The following NAV3 variants were observed in gnomAD, a reference collection of about 807,000 sequenced individuals.
The protein encoded by NAV3 is pore membrane and/or filament interacting like protein 1.
A neutral mutation model predicts 244.7 loss-of-function variants in NAV3; 87 were observed. The observed-to-expected ratio is 0.36, with a 90% confidence interval of 0.30 to 0.42. The LOEUF is 0.42. Ranked by LOEUF, NAV3 falls within the 20% of genes least tolerant of loss-of-function variation. The pLI is 1.00. For synonymous variants in NAV3, 1,126 were observed against 1,042.2 expected (o/e 1.08, Z -1.55); for missense variants, 2,663 against 2,893.3 (o/e 0.92, Z 1.83).
chr12:78,150,867 G>T (rs1957056194), intron 22 of NAV3, among the ~76,000 whole-genome samples: 1 of 151,864 alleles, frequency 6.6e-6, no homozygotes, highest in South Asian at 2.1e-4. Flanking sequence ...ATTCTCAGCT[G>T]GGTGTTAATA....
intron 34 of NAV3, 38 bp from the exon 35 acceptor site, chr12:78,197,209 T>G (rs764597975): frequency 6.9e-7 from 1 of 1,456,304 alleles, no homozygotes; most frequent in South Asian, 1.6e-5. Context: ...TAGTATAAAT[T>G]TATCACTGAC....
At chr12:78,110,139 A>G (rs1409545636) in intron 12 of NAV3, among the ~76,000 whole-genome samples, 3 of 152,056 alleles carry the variant, frequency 2.0e-5, no homozygotes, top group Non-Finnish European at 2.9e-5. Flanking sequence ...TAGCATTTCT[A>G]TGCCCCAATA....
chr12:78,093,134 A>G (rs759381903), intron 12 of NAV3, among the ~76,000 whole-genome samples: 15 of 152,222 alleles, frequency 9.9e-5, no homozygotes, highest in Non-Finnish European at 1.9e-4. Context: ...TTAACAATAT[A>G]CAATGAATAT....
At chr12:77,833,643 A>G (rs1033424270) in intron 1 of NAV3, among the ~76,000 whole-genome samples, 10 of 152,324 alleles carry the variant, frequency 6.6e-5, no homozygotes, top group African/African-American at 2.4e-4. Context: ...TAATCAGCTC[A>G]GTTAGACCCT....
At chr12:77,744,180 T>A (rs1273874530) in intron 2 of NAV3, among the ~76,000 whole-genome samples, 1 of 151,986 alleles carries the variant, frequency 6.6e-6, no homozygotes, top group Non-Finnish European at 1.5e-5. Flanking sequence ...ACTATAAAGC[T>A]ACAGTTATTA....
At position 77,982,221 on chromosome 12, in the gene NAV3, G is replaced by GGCTTAATAGACATGTTAATT. The variant is rs1371254818; in HGVS notation, c.672-12582_672-12581insGCTTAATAGACATGTTAATT. 7.3e-4 allele frequency among the ~76,000 whole-genome samples: 95 copies of GGCTTAATAGACATGTTAATT among 129,384 alleles called. 6 individuals are homozygous for GGCTTAATAGACATGTTAATT. The highest frequency in any genetic ancestry group is 1.4e-3 in the East Asian group (6 of 4,244). 84.9% of individuals were successfully genotyped at this position (129,384 alleles called of 152,430 possible). ...GTCAATGCATAACATATGGCTTAAT[G>GGCTTAATAGACATGTTAATT]AAAGATGATTTGTTGCTATTGATCC... On this transcript the variant is annotated intron_variant, in intron 5 of 39. Transcript: ENST00000397909.
intron 3 of NAV3, among the ~76,000 whole-genome samples, chr12:77,946,387 T>G (rs1180952006): frequency 6.6e-6 from 1 of 151,972 alleles, no homozygotes; most frequent in Admixed American, 6.6e-5. Flanking sequence ...GAGCACATAT[T>G]TAAGAAAAAT....
intron 8 of NAV3, among the ~76,000 whole-genome samples, chr12:78,009,154 T>G (rs535902883): frequency 6.6e-6 from 1 of 152,052 alleles, no homozygotes; most frequent in Non-Finnish European, 1.5e-5. Flanking sequence ...CATTTGAAAA[T>G]GTAACTTTTA....
intron 2 of NAV3, among the ~76,000 whole-genome samples, chr12:77,822,870 G>A (rs181148205): frequency 6.6e-6 from 1 of 152,158 alleles, no homozygotes; most frequent in South Asian, 2.1e-4. Context: ...AAGTGATAAT[G>A]CACAATACAA....
chr12:77,912,529 C>A (rs934895401), intron 1 of NAV3, among the ~76,000 whole-genome samples: 1 of 152,124 alleles, frequency 6.6e-6, no homozygotes, highest in Non-Finnish European at 1.5e-5. Flanking sequence ...TACATATACA[C>A]ATTTGTCCTA....
chr12:77,961,596 T>A lies in NAV3; in HGVS notation c.415-4633T>A, dbSNP rs566501346. The stretch of plus-strand genomic sequence containing the variant: ...TATTATATATTATGTATCTGTAATA[T>A]ATATATTTGAATATATATTACTATA... On this transcript the variant is annotated intron_variant, in intron 3 of 39. Transcript: ENST00000397909. 4.1e-4 allele frequency among the ~76,000 whole-genome samples: 58 copies of A among 140,398 alleles called. 2 individuals carry two copies. In the South Asian group the frequency reaches 0.013, roughly 31 times the overall value. 92.1% of individuals were successfully genotyped at this position (140,398 alleles called of 152,430 possible). A position where few individuals can be genotyped will look rare whatever the true frequency, so the allele number is the denominator to read the frequency against.
chr12:77,745,690 G>A lies in NAV3; in HGVS notation c.72+173424G>A, dbSNP rs187783306. On this transcript the variant is annotated intron_variant, in intron 2 of 8. Coordinates refer to the NAV3 transcript ENST00000550042. The stretch of plus-strand genomic sequence containing the variant: ...AGAGCTTGGGGTCAATTGTGGTGAA[G>A]AATGCAATAAGGAGTCAATTAGGAC... Among the ~76,000 whole-genome samples, 413 of 152,150 alleles carry A rather than the reference G, an allele frequency of 2.7e-3. 4 individuals carry two copies. Among genetic ancestry groups the A allele is most frequent in the African/African-American group, 9.4e-3 (389 of 41,540 alleles).
intron 1 of NAV3, among the ~76,000 whole-genome samples, chr12:77,931,577 T>A (rs1039201145): frequency 8.5e-5 from 13 of 152,160 alleles, no homozygotes; most frequent in African/African-American, 3.1e-4. Context: ...AAAAATCTAC[T>A]TGGAAGCGGC....
At chr12:77,846,714 T>C (rs1294612903) in intron 1 of NAV3, among the ~76,000 whole-genome samples, 1 of 152,250 alleles carries the variant, frequency 6.6e-6, no homozygotes, top group Non-Finnish European at 1.5e-5. Flanking sequence ...ATGCTGTCAA[T>C]TATCTATTTC....
rs923536196 is a variant in NAV3 at position 78,040,199 on chromosome 12, A to C, written c.2024-9794A>C. Among the ~76,000 whole-genome samples, 5 of 152,196 alleles carry C rather than the reference A, an allele frequency of 3.3e-5. 1 individual carries two copies. Among genetic ancestry groups the C allele is most frequent in the Non-Finnish European group, 7.4e-5 (5 of 68,016 alleles). On this transcript the variant is annotated intron_variant, in intron 9 of 39. Coordinates refer to ENST00000397909, the MANE Select transcript of NAV3 (RefSeq NM_001024383.2). ...TTATCTTGCCTTTTGTGGGTCATTG[A>C]AAACATTTACTGCAATAAATTTTCT...
At chr12:78,179,723 A>C (rs747867377) in intron 29 of NAV3, 41 bp downstream of exon 29, 1 of 1,569,956 alleles carries the variant, frequency 6.4e-7, no homozygotes, top group East Asian at 2.3e-5. Flanking sequence ...ATGGAGAAAC[A>C]AAAAAATGCT....
intron 1 of NAV3, among the ~76,000 whole-genome samples, chr12:77,892,881 G>A (rs557632254): frequency 6.6e-6 from 1 of 152,260 alleles, no homozygotes; most frequent in African/African-American, 2.4e-5. Context: ...ATAAATTTAT[G>A]TTGGCTATTA....
chr12:78,020,074 G>A (rs11107890), intron 8 of NAV3, among the ~76,000 whole-genome samples: 13,878 of 152,084 alleles, frequency 0.091, 877 homozygotes, highest in Admixed American at 0.18. Flanking sequence ...GACAAAAACT[G>A]GAAGAAGAAT....
intron 3 of NAV3, among the ~76,000 whole-genome samples, chr12:77,954,923 C>T (rs1309453718): frequency 6.6e-6 from 1 of 152,064 alleles, no homozygotes; most frequent in Non-Finnish European, 1.5e-5. Context: ...CAATACTGAT[C>T]ATTTCCCTTT....
Sources: allele counts gnomAD v4.1 joint callset (sites outside exome capture counted in the v4.1 genomes callset), GRCh38; gene constraint gnomAD v4.1.1; transcripts MANE v1.5; gene names NCBI Gene and HGNC (gene_info 2026-07-23, HGNC 2026-07-21).